Variants in DOCK2 observed in about 807,000 individuals in gnomAD.
DOCK2 encodes the protein dedicator of cytokinesis 2, also known as dedicator of cytokinesis protein 2.
DOCK2 carries 87 observed loss-of-function variants against 248.9 expected under a neutral mutation model. The ratio of observed to expected loss-of-function variants is 0.35; its 90% CI spans 0.29 to 0.42. The LOEUF (loss-of-function observed/expected upper bound fraction) is 0.42, where lower values mean the gene tolerates loss of function less well. Ranked by LOEUF, DOCK2 falls within the 10% of genes least tolerant of loss-of-function variation. DOCK2 has a pLI of 1.00. For synonymous variants in DOCK2, 805 were observed against 821.6 expected, an observed-to-expected ratio of 0.98 and a Z score of 0.35; for missense variants, 1,747 against 2,300.2, an observed-to-expected ratio of 0.76 and a Z score of 4.92.
chr5:169,867,013 T>C (rs1308140754), intron 27 of DOCK2, among the ~76,000 whole-genome samples: 3 of 152,198 alleles, frequency 2.0e-5, no homozygotes, highest in Non-Finnish European at 4.4e-5. Context: ...TCTGACTGAC[T>C]AGCTTCAAGT....
chr5:169,856,037 A>G (rs1051592874), intron 27 of DOCK2, among the ~76,000 whole-genome samples: 2 of 152,152 alleles, frequency 1.3e-5, no homozygotes, highest in African/African-American at 4.8e-5. Context: ...AGCCTCTTAT[A>G]AAACCATCAG....
intron 12 of DOCK2, 70 bp downstream of exon 12, chr5:169,699,528 A>G (rs1483256378): frequency 2.7e-6 from 4 of 1,463,070 alleles, no homozygotes; most frequent in Non-Finnish European, 3.7e-6. Context: ...CAGCAAATGA[A>G]TCAAAATCCT....
Position 169,792,457 on chromosome 5 carries a change from G to GTGTGTGTGTT in DOCK2, c.2555-10592_2555-10591insTTGTGTGTGT, listed in dbSNP as rs1415807388. On this transcript the variant is annotated intron_variant, in intron 25 of 51. Transcript: ENST00000520908. ...GTGTACATATATTTTATATATGTGT[G>GTGTGTGTGTT]TGTGTGTGTGTGTGCATATATACGT... is the stretch of plus-strand genomic sequence containing the variant. Among the ~76,000 whole-genome samples, 89 of 149,742 alleles carry GTGTGTGTGTT rather than the reference G, an allele frequency of 5.9e-4. 1 individual carries two copies. The highest frequency in any genetic ancestry group is 1.0e-3 in the Non-Finnish European group (70 of 67,650).
chr5:170,050,419 G>T, intron 41 of DOCK2, 22 bp downstream of exon 41: 1 of 1,611,408 alleles, frequency 6.2e-7, no homozygotes, highest in African/African-American at 1.3e-5. Flanking sequence ...GAATGCCCTA[G>T]CCAAGGGGCC....
chr5:169,881,382 C>T (rs528394115), intron 27 of DOCK2: 35 of 1,551,460 alleles, frequency 2.3e-5, no homozygotes, highest in South Asian at 9.5e-5. Flanking sequence ...ATATGATGCA[C>T]GCCGTGTTCT....
At chr5:170,060,537 T>A (rs1347001651) in intron 44 of DOCK2, among the ~76,000 whole-genome samples, 9 of 152,226 alleles carry the variant, frequency 5.9e-5, no homozygotes, top group Non-Finnish European at 1.0e-4. Flanking sequence ...GTTCTCCAAG[T>A]TTTTTGTCCT....
chr5:170,051,314 G>C (rs7714269), intron 41 of DOCK2, among the ~76,000 whole-genome samples: 71,556 of 151,998 alleles, frequency 0.47, 18,116 homozygotes, highest in African/African-American at 0.65. Flanking sequence ...TCCAACGTCA[G>C]CCCCACCCCC....
At chr5:169,916,055 T>A (rs1389994081) in intron 27 of DOCK2, among the ~76,000 whole-genome samples, 2 of 152,202 alleles carry the variant, frequency 1.3e-5, no homozygotes, top group Admixed American at 1.3e-4. Context: ...ATTAGAAGTA[T>A]GGGAACTCAG....
rs117594291 is a variant in DOCK2 at position 169,991,152 on chromosome 5, G to T, written c.2994-4934G>T. On this transcript the variant is annotated intron_variant, in intron 29 of 51. Transcript: ENST00000520908. ...AAGGTGACCCTGGCAGGCTTGCAGCGCCTGTAGGACTCTGTGTGCACCTTC... is the reference window on the plus strand; with the variant it reads ...AAGGTGACCCTGGCAGGCTTGCAGCTCCTGTAGGACTCTGTGTGCACCTTC... 7.2e-5 allele frequency among the ~76,000 whole-genome samples: 11 copies of T among 152,344 alleles called. No individual in the cohort carries two copies. The East Asian group carries it at 2.1e-3, about 29-fold the overall frequency.
At chr5:169,947,458 T>C (rs1776493371) in intron 27 of DOCK2, among the ~76,000 whole-genome samples, 1 of 152,188 alleles carries the variant, frequency 6.6e-6, no homozygotes, top group Non-Finnish European at 1.5e-5. Context: ...AGCCCTGTTT[T>C]ACAGATGGTG....
At chr5:169,870,647 C>T (rs576297322) in intron 27 of DOCK2, among the ~76,000 whole-genome samples, 5 of 151,732 alleles carry the variant, frequency 3.3e-5, no homozygotes, top group South Asian at 4.2e-4. Flanking sequence ...TACATGTGCA[C>T]AATGTGCAGG....
chr5:169,760,354 G>C (rs928695357), intron 24 of DOCK2, among the ~76,000 whole-genome samples: 1 of 152,174 alleles, frequency 6.6e-6, no homozygotes, highest in African/African-American at 2.4e-5. Flanking sequence ...ATTTAGAAGA[G>C]AGTTGCAAAG....
chr5:169,998,759 T>G (rs1754734508), intron 30 of DOCK2, among the ~76,000 whole-genome samples: 3 of 152,184 alleles, frequency 2.0e-5, no homozygotes, highest in African/African-American at 7.2e-5. Flanking sequence ...CTTTCACCCT[T>G]GCAGTGGGTT....
chr5:169,937,905 C>T (rs1184527211), intron 27 of DOCK2, among the ~76,000 whole-genome samples: 1 of 152,206 alleles, frequency 6.6e-6, no homozygotes, highest in Non-Finnish European at 1.5e-5. Flanking sequence ...CCTTTCCAGC[C>T]TCCCTTCTTT....
Position 169,725,858 on chromosome 5 carries a change from A to G in DOCK2, c.2267+7067A>G, listed in dbSNP as rs1467156585. ...AACTCATCCTTTTTTATGGCTGCAT[A>G]GTATTCCATGGTGTATATGTGCCAC... On this transcript the variant is annotated intron_variant, in intron 22 of 51. Transcript: ENST00000520908. 2.0e-5 allele frequency among the ~76,000 whole-genome samples: 3 copies of G among 152,182 alleles called. No individual in the cohort carries two copies. The East Asian group carries it at 5.8e-4, about 29-fold the overall frequency.
intron 1 of DOCK2, among the ~76,000 whole-genome samples, chr5:169,645,159 A>G (rs1561901310): frequency 6.6e-6 from 1 of 152,204 alleles, no homozygotes; most frequent in Non-Finnish European, 1.5e-5. Context: ...GTATATACCT[A>G]GTAATGGGAT....
intron 26 of DOCK2, among the ~76,000 whole-genome samples, chr5:169,823,270 C>T (rs188102799): frequency 3.3e-5 from 5 of 152,244 alleles, no homozygotes; most frequent in East Asian, 1.9e-4. Flanking sequence ...ACTCATTTTA[C>T]GAGGTCAGCA....
At chr5:169,826,426 G>A (rs1768863970) in intron 26 of DOCK2, among the ~76,000 whole-genome samples, 1 of 152,098 alleles carries the variant, frequency 6.6e-6, no homozygotes. Flanking sequence ...CTCTGGGGGG[G>A]ACGAGCTGAC....
At chr5:169,821,531 G>C (rs1236916894) in intron 26 of DOCK2, among the ~76,000 whole-genome samples, 1 of 152,114 alleles carries the variant, frequency 6.6e-6, no homozygotes, top group Non-Finnish European at 1.5e-5. Context: ...AGCTTCATAA[G>C]TGAAGGAGAA....
Sources: gnomAD v4.1 joint callset for allele counts (sites outside exome capture counted in the v4.1 genomes callset) on GRCh38, gnomAD v4.1.1 for gene constraint, MANE v1.5 for transcripts, NCBI Gene and HGNC (gene_info 2026-07-23, HGNC 2026-07-21) for gene names.